Variants in OLFML3 observed in about 807,000 individuals in gnomAD.
OLFML3 encodes olfactomedin like 3.
Under a neutral mutation model 36.0 loss-of-function variants are expected in OLFML3, and 26 were observed. The observed-to-expected ratio is 0.72, with a 90% CI of 0.53 to 1.00. The LOEUF is 1.00. Among genes scored for constraint, OLFML3 ranks in the 50% least tolerant of loss-of-function variants. OLFML3 has a pLI of 0.00. For missense variants in OLFML3, 503 were observed against 519.4 expected, an observed-to-expected ratio of 0.97 and a Z score of 0.31; for synonymous variants, 184 against 201.2, an observed-to-expected ratio of 0.91 and a Z score of 0.72.
chr1:113,980,794 C>T (rs764049820), intron 2 of OLFML3, 155 bp from the exon 3 acceptor site: 20 of 989,836 alleles, frequency 2.0e-5, no homozygotes, highest in Middle Eastern at 2.7e-4. Flanking sequence ...GGATCCAGGC[C>T]GCTGTGGTAC....
At position 113,981,834 on chromosome 1, in the gene OLFML3, T is replaced by C. The variant is rs1300912596; in HGVS notation, c.*65T>C. 8.5e-6 allele frequency: 12 copies of C among 1,416,944 alleles called. No individual in the cohort carries two copies. The East Asian group carries it at 3.0e-4, about 35-fold the overall frequency. The allele number at this position is 1,416,944 out of a possible 1,614,324, so 87.8% of individuals were successfully genotyped here. ...CATTTATATTATATCCCCACTAAATTTCTTGTTCCTCATTCTTCAAATGTG... is the reference window on the plus strand; with the variant it reads ...CATTTATATTATATCCCCACTAAATCTCTTGTTCCTCATTCTTCAAATGTG... On this transcript the variant is annotated 3_prime_UTR_variant, in exon 3 of 3. Coordinates refer to ENST00000320334, the MANE Select transcript of OLFML3 (RefSeq NM_020190.5).
rs967307578 is a variant in OLFML3, at chr1:113,980,193, T to A, written c.115-139T>A. ...TAGCACCTCTGCACATCTGGTTTCC[T>A]TTTCTGCAGGAGTGGAAGGGGATAT... is the stretch of plus-strand genomic sequence containing the variant. On this transcript the variant is annotated intron_variant, in intron 1 of 2. Transcript: ENST00000320334. 4 of 1,514,704 alleles carry A rather than the reference T, an allele frequency of 2.6e-6. No individual in the cohort carries two copies. The African/African-American group carries it at 5.6e-5, about 21-fold the overall frequency. The allele number at this position is 1,514,704 out of a possible 1,614,324, so 93.8% of individuals were successfully genotyped here.
At position 113,979,675 on chromosome 1, in the gene OLFML3, G is replaced by A. The variant is rs371694945; in HGVS notation, c.114+45G>A. 5 of 1,385,728 alleles carry A rather than the reference G, an allele frequency of 3.6e-6. No individual in the cohort carries two copies. The African/African-American group carries it at 7.1e-5, about 20-fold the overall frequency. The allele number at this position is 1,385,728 out of a possible 1,614,324, so 85.8% of individuals were successfully genotyped here. A position where few individuals can be genotyped will look rare whatever the true frequency, so the allele number is the denominator to read the frequency against. ...TCTAGCCCCGCCTAGAAGGATTCCA[G>A]GGCTATTGGTTCAACCAGTTTGTTA... On this transcript the variant is annotated intron_variant, in intron 1 of 2. Transcript: ENST00000320334.
In OLFML3 at chr1:113,980,384, G is replaced by T. The variant is rs140666123; in HGVS notation, c.167G>T (p.Arg56Leu). ...DQSSRHAAEL[R>L]DFKNKMLPLL... is the part of the protein sequence containing the mutation. ...AGTAGTCGGCATGCTGCTGAGCTGC[G>T]GGACTTCAAGAACAAGATGCTGCCA... Residue 56 changes from arginine to leucine, a missense_variant, in exon 2 of 3, where the codon CGG (arginine) becomes CTG (leucine). Physicochemically the swap from Arg to Leu is moderately radical, Grantham distance 102 (BLOSUM62 -2). Transcript: ENST00000320334. 1.7e-5 allele frequency: 27 copies of T among 1,599,822 alleles called. No homozygotes were observed. The East Asian group carries it at 2.0e-4, about 12-fold the overall frequency.
At chr1:113,979,964 C>CT (rs1339340105) in intron 1 of OLFML3, 2 of 1,438,568 alleles carry the variant, frequency 1.4e-6, no homozygotes, top group Non-Finnish European at 1.8e-6. Flanking sequence ...AACTTCCTGT[C>CT]TTTTTAACAG....
intron 1 of OLFML3, chr1:113,979,882 C>A: frequency 1.5e-6 from 2 of 1,349,916 alleles, no homozygotes; most frequent in Non-Finnish European, 1.9e-6. Context: ...GAAACGAGAG[C>A]CAAAATTGTG....
intron 1 of OLFML3, 30 bp downstream of exon 1, chr1:113,979,660 C>CGGGG: frequency 2.7e-6 from 4 of 1,458,370 alleles, no homozygotes; most frequent in Non-Finnish European, 3.9e-6. Flanking sequence ...TCTAGCCCCG[C>CGGGG]CTAGAAGGAT....
chr1:113,981,092 G>A lies in OLFML3; in HGVS notation c.544G>A (p.Val182Ile), dbSNP rs1216201178. ...LDGTQNDTAF[V>I]FPRLRDFTLA... ...TGGGACACAGAATGACACAGCCTTTGTCTTCCCAAGGCTGCGTGACTTCAC... is the reference window on the plus strand; with the variant it reads ...TGGGACACAGAATGACACAGCCTTTATCTTCCCAAGGCTGCGTGACTTCAC... Residue 182 changes from valine to isoleucine, a missense_variant, in exon 3 of 3, where the codon GTC (valine) becomes ATC (isoleucine). By Grantham distance (29) the Val-to-Ile change is conservative. Transcript: ENST00000320334. The A allele has an allele frequency of 1.2e-6, 2 of 1,613,262 alleles. No individual in the cohort carries two copies. Among genetic ancestry groups the A allele is most frequent in the Non-Finnish European group, 1.7e-6 (2 of 1,179,614 alleles).
intron 1 of OLFML3, chr1:113,980,046 T>G: frequency 6.5e-7 from 1 of 1,540,560 alleles, no homozygotes. Flanking sequence ...CACACCTTCA[T>G]GCGCTTAGAC....
At position 113,982,095 on chromosome 1, in the gene OLFML3, T is replaced by C. The variant is rs2101559940; in HGVS notation, c.*326T>C. On this transcript the variant is annotated 3_prime_UTR_variant, in exon 3 of 3. Coordinates refer to ENST00000320334, the MANE Select transcript of OLFML3 (RefSeq NM_020190.5). Reference sequence around the variant, plus strand: ...GGCAGGCCCAGGGAGCAGGCAGCAGTGTTCTTCCCCTCAGAGTGACTTGGG... The same window carrying C: ...GGCAGGCCCAGGGAGCAGGCAGCAGCGTTCTTCCCCTCAGAGTGACTTGGG... The C allele has an allele frequency of 5.4e-6, 2 of 371,076 alleles. No homozygotes were observed. Among genetic ancestry groups the C allele is most frequent in the East Asian group, 6.9e-5 (1 of 14,490 alleles). The allele number at this position is 371,076 out of a possible 1,614,324, so 23.0% of individuals were successfully genotyped here. A position where few individuals can be genotyped will look rare whatever the true frequency, so the allele number is the denominator to read the frequency against.
In OLFML3 at chr1:113,982,210, G is replaced by C. The variant is rs1673439104; in HGVS notation, c.*441G>C. 1 of 198,304 alleles carries C rather than the reference G, an allele frequency of 5.0e-6. No homozygotes were observed. The highest frequency in any genetic ancestry group is 2.4e-5 in the African/African-American group (1 of 41,838). 12.3% of individuals were successfully genotyped at this position (198,304 alleles called of 1,614,324 possible). A position where few individuals can be genotyped will look rare whatever the true frequency, so the allele number is the denominator to read the frequency against. On this transcript the variant is annotated 3_prime_UTR_variant, in exon 3 of 3. Coordinates refer to ENST00000320334, the MANE Select transcript of OLFML3 (RefSeq NM_020190.5). ...TGAGGAACAGGACTTTCTCCACATTGTTTTGTATTGCAACATTTTGCATTA... is the reference window on the plus strand; with the variant it reads ...TGAGGAACAGGACTTTCTCCACATTCTTTTGTATTGCAACATTTTGCATTA...
rs1271736143 is a variant in OLFML3, at chr1:113,980,338, C to G, written c.121C>G (p.Leu41Val). The G allele has an allele frequency of 2.3e-5, 36 of 1,553,172 alleles. No homozygotes were observed. Among genetic ancestry groups the G allele is most frequent in the Admixed American group, 3.8e-5 (2 of 53,006 alleles). The change falls in exon 2 of 3, where the codon CTG (leucine) becomes GTG (valine). Residue 41 changes from leucine (L) to valine (V), a missense_variant. Transcript: ENST00000320334. ...ERRLAALEER[L>V]AQCQDQSSRH... ...TGATCCCCCATCCCTTCAGGAACGG[C>G]TGGCCCAGTGCCAGGACCAGAGTAG...
rs1673418980 is a variant in OLFML3, at chr1:113,981,635, C to G, written c.1087C>G (p.Pro363Ala). 6.2e-7 allele frequency: 1 copy of G among 1,613,930 alleles called. No individual in the cohort carries two copies. Among genetic ancestry groups the G allele is most frequent in the Admixed American group, 1.7e-5 (1 of 60,002 alleles). Residue 363 changes from proline to alanine, a missense_variant, in exon 3 of 3, where the codon CCT becomes GCT. Transcript: ENST00000320334. ...CCTGACCCCTGAACGGGCAGCACTC[C>G]CTTATTTTCCCCGCAGATATGGTGC... ...GTLTPERAAL[P>A]YFPRRYGAHA...
At chr1:113,980,074 T>C (rs1329725154) in intron 1 of OLFML3, 1 of 1,549,882 alleles carries the variant, frequency 6.5e-7, no homozygotes, top group Non-Finnish European at 8.7e-7. Flanking sequence ...GAGGCTCAGA[T>C]GGCTCAGTGG....
At chr1:113,980,849 C>CA in intron 2 of OLFML3, 100 bp from the exon 3 acceptor site, 2 of 1,144,260 alleles carry the variant, frequency 1.7e-6, no homozygotes, top group Non-Finnish European at 2.4e-6. Flanking sequence ...AACCACTGGG[C>CA]AAATGCTCAC....
Position 113,981,041 on chromosome 1 carries a change from C to T in OLFML3, c.493C>T (p.Gln165Ter), listed in dbSNP as rs753896234. Reference protein sequence around the residue: ...AGLWTKDPLGQTEKIYVLDGT... With the variant: ...AGLWTKDPLG ...TCTATGGACCAAGGATCCACTGGGGCAAACAGAGAAGATCTACGTGTTAGA... is the reference window on the plus strand; with the variant it reads ...TCTATGGACCAAGGATCCACTGGGGTAAACAGAGAAGATCTACGTGTTAGA... The change falls in exon 3 of 3, where the codon CAA becomes TAA. Residue 165 changes from glutamine (Q) to a stop codon, truncating the protein, a stop_gained. Transcript: ENST00000320334. LOFTEE classifies it high-confidence loss of function. 2 of 1,598,456 alleles carry T rather than the reference C, an allele frequency of 1.3e-6. No homozygotes were observed. The highest frequency in any genetic ancestry group is 8.5e-7 in the Non-Finnish European group (1 of 1,171,222).
chr1:113,980,104 A>T, intron 1 of OLFML3: 1 of 1,550,228 alleles, frequency 6.5e-7, no homozygotes, highest in Non-Finnish European at 8.7e-7. Flanking sequence ...CAGAGAACAC[A>T]GGCTGGAGGA....
rs116536933 is a variant in OLFML3, at chr1:113,982,096, G to C, written c.*327G>C. The C allele has an allele frequency of 4.8e-3, 1,772 of 368,546 alleles. 35 individuals carry two copies. Among genetic ancestry groups the C allele is most frequent in the African/African-American group, 0.034 (1,612 of 47,206 alleles). 22.8% of individuals were successfully genotyped at this position (368,546 alleles called of 1,614,324 possible). The stretch of plus-strand genomic sequence containing the variant: ...GCAGGCCCAGGGAGCAGGCAGCAGT[G>C]TTCTTCCCCTCAGAGTGACTTGGGG... On this transcript the variant is annotated 3_prime_UTR_variant, in exon 3 of 3. Coordinates refer to ENST00000320334, the MANE Select transcript of OLFML3 (RefSeq NM_020190.5).
intron 1 of OLFML3, chr1:113,979,846 A>G (rs898650700): frequency 9.2e-7 from 1 of 1,087,788 alleles, no homozygotes; most frequent in Non-Finnish European, 1.3e-6. Flanking sequence ...TACCTCTGGG[A>G]TTAGATAGAA....
Sources: allele counts gnomAD v4.1 joint callset, GRCh38; gene constraint gnomAD v4.1.1; transcripts MANE v1.5; gene names NCBI Gene and HGNC (gene_info 2026-07-23, HGNC 2026-07-21).